SAMMSON: variants seen among roughly 807,000 people sequenced by gnomAD.
SAMMSON encodes survival associated mitochondrial melanoma specific oncogenic non-coding RNA, also known as long intergenic non-protein coding RNA 1212.
At chr3:70,413,632 CAA>C (rs1701240240) in intron 2 of SAMMSON, among the ~76,000 whole-genome samples, 1 of 152,106 alleles carries the variant, frequency 6.6e-6, no homozygotes, top group Admixed American at 6.6e-5. Context: ...ATTGCTGAGA[CAA>C]AAGAGACCCA....
At chr3:70,014,332 A>G (rs1167270485) in intron 3 of SAMMSON, 1 of 152,190 alleles carries the variant, frequency 6.6e-6, no homozygotes, top group African/African-American at 2.4e-5. Context: ...CTAAAAGATA[A>G]ATAAAACTTG....
chr3:70,330,474 A>T (rs886082609), intron 7 of SAMMSON, among the ~76,000 whole-genome samples: 10 of 152,056 alleles, frequency 6.6e-5, no homozygotes, highest in African/African-American at 2.4e-4. Flanking sequence ...ATACAGTTTT[A>T]GGTTTCCTGA....
intron 4 of SAMMSON, among the ~76,000 whole-genome samples, chr3:70,085,915 C>T (rs886325941): frequency 3.3e-5 from 5 of 152,136 alleles, no homozygotes; most frequent in Non-Finnish European, 7.4e-5. Flanking sequence ...TTAATCATAG[C>T]CTATGGCTCT....
chr3:70,274,635 G>A (rs1319168310), intron 6 of SAMMSON, among the ~76,000 whole-genome samples: 1 of 152,094 alleles, frequency 6.6e-6, no homozygotes, highest in Non-Finnish European at 1.5e-5. Flanking sequence ...GTTGGGGATG[G>A]AGCGGTGGGG....
intron 6 of SAMMSON, among the ~76,000 whole-genome samples, chr3:70,290,901 C>T (rs888003363): frequency 1.3e-5 from 2 of 152,184 alleles, no homozygotes; most frequent in South Asian, 2.1e-4. Flanking sequence ...TGAGGCAATG[C>T]CTCGCCCTGC....
intron 4 of SAMMSON, among the ~76,000 whole-genome samples, chr3:70,113,307 T>A (rs1479181976): frequency 6.6e-6 from 1 of 152,208 alleles, no homozygotes; most frequent in Non-Finnish European, 1.5e-5. Context: ...TTTTTCCATG[T>A]TATTAGGCCA....
downstream of SAMMSON, among the ~76,000 whole-genome samples, chr3:70,394,108 C>T (rs1238248654): frequency 6.6e-6 from 1 of 152,122 alleles, no homozygotes; most frequent in Non-Finnish European, 1.5e-5. Context: ...TAACAGGACT[C>T]CCTGCCAGAT....
chr3:70,103,716 T>G (rs1576122650), intron 4 of SAMMSON, among the ~76,000 whole-genome samples: 1 of 152,138 alleles, frequency 6.6e-6, no homozygotes, highest in African/African-American at 2.4e-5. Flanking sequence ...CTTACTCAAC[T>G]CTTTTGTTAT....
chr3:70,064,138 A>G (rs1397238058), intron 3 of SAMMSON, among the ~76,000 whole-genome samples: 1 of 152,130 alleles, frequency 6.6e-6, no homozygotes, highest in African/African-American at 2.4e-5. Context: ...CTTTCCACAA[A>G]TATCTGTGGG....
At chr3:70,303,548 A>G (rs1340925813) in intron 7 of SAMMSON, among the ~76,000 whole-genome samples, 2 of 152,132 alleles carry the variant, frequency 1.3e-5, no homozygotes, top group African/African-American at 4.8e-5. Context: ...CTACTCTTGC[A>G]TTTTCCAATA....
chr3:70,431,625 C>T (rs1268797486), intron 2 of SAMMSON, among the ~76,000 whole-genome samples: 3 of 151,956 alleles, frequency 2.0e-5, no homozygotes, highest in East Asian at 1.9e-4. Flanking sequence ...CTATAATTAA[C>T]ACACAATTCA....
chr3:70,427,737 CA>C (rs34837077), intron 2 of SAMMSON, among the ~76,000 whole-genome samples: 318 of 102,872 alleles, frequency 3.1e-3, no homozygotes, highest in Middle Eastern at 5.4e-3. Flanking sequence ...AACTCCGTCT[CA>C]AAAAAAAAAA....
At chr3:70,365,880 G>GTA (rs1388690227) in intron 9 of SAMMSON, among the ~76,000 whole-genome samples, 1 of 149,442 alleles carries the variant, frequency 6.7e-6, no homozygotes, top group Non-Finnish European at 1.5e-5. Flanking sequence ...CCCTTGTGCT[G>GTA]TAAAGTTCTA....
At chr3:70,125,305 A>G (rs1278317810) in intron 4 of SAMMSON, 5 of 1,329,636 alleles carry the variant, frequency 3.8e-6, no homozygotes, top group African/African-American at 1.4e-5. Flanking sequence ...TTCCAAAAAT[A>G]TATTTAAGGT....
chr3:70,077,161 A>G (rs1237047548), intron 4 of SAMMSON, among the ~76,000 whole-genome samples: 2 of 152,160 alleles, frequency 1.3e-5, no homozygotes, highest in African/African-American at 4.8e-5. Flanking sequence ...TTTTATGATT[A>G]AACTATTTTT....
chr3:70,226,719 C>G (rs1347078462), intron 4 of SAMMSON, among the ~76,000 whole-genome samples: 2 of 127,148 alleles, frequency 1.6e-5, no homozygotes, highest in Non-Finnish European at 3.2e-5. Flanking sequence ...GCCTGGGCAA[C>G]AGAGAGAGAC....
intron 4 of SAMMSON, among the ~76,000 whole-genome samples, chr3:70,164,213 T>G (rs2067627570): frequency 6.6e-6 from 1 of 152,050 alleles, no homozygotes; most frequent in African/African-American, 2.4e-5. Flanking sequence ...CATATTTTAG[T>G]TCTGCCTCTA....
intron 9 of SAMMSON, among the ~76,000 whole-genome samples, chr3:70,381,996 A>T (rs1703072964): frequency 6.6e-6 from 1 of 152,152 alleles, no homozygotes; most frequent in African/African-American, 2.4e-5. Context: ...TGTAATACTC[A>T]TATTGTGATT....
At chr3:70,406,991 G>C (rs1355524436) in intron 2 of SAMMSON, among the ~76,000 whole-genome samples, 1 of 152,226 alleles carries the variant, frequency 6.6e-6, no homozygotes, top group Non-Finnish European at 1.5e-5. Flanking sequence ...GGAGGCCTCA[G>C]AATCATGGTG....
Sources: gnomAD v4.1 joint callset for allele counts (sites outside exome capture counted in the v4.1 genomes callset) on GRCh38, gnomAD v4.1.1 for gene constraint, MANE v1.5 for transcripts, NCBI Gene and HGNC (gene_info 2026-07-23, HGNC 2026-07-21) for gene names.